LPP: variants seen among roughly 807,000 people sequenced by gnomAD.
LPP encodes lipoma-preferred partner.
In LPP, 38 loss-of-function variants were observed where a neutral mutation model predicts 60.4. The ratio of observed to expected loss-of-function variants is 0.63; its 90% CI spans 0.49 to 0.83. LPP has a LOEUF of 0.83. Among genes scored for constraint, LPP ranks in the 40% least tolerant of loss-of-function variants. LPP has a pLI of 0.00. For missense variants in LPP, 902 were observed against 783.6 expected, an observed-to-expected ratio of 1.15 and a Z score of -1.80; for synonymous variants, 328 against 290.8, an observed-to-expected ratio of 1.13 and a Z score of -1.30.
intron 2 of LPP, among the ~76,000 whole-genome samples, chr3:188,282,226 A>G (rs889937047): frequency 7.2e-5 from 11 of 151,834 alleles, no homozygotes; most frequent in African/African-American, 2.2e-4. Flanking sequence ...AGGCGTTTAC[A>G]TAATATTGTG....
At chr3:188,642,230 AT>A (rs1461452295) in intron 7 of LPP, among the ~76,000 whole-genome samples, 1 of 152,112 alleles carries the variant, frequency 6.6e-6, no homozygotes, top group East Asian at 1.9e-4. Flanking sequence ...CTCATAAATT[AT>A]TTATTTCCCA....
intron 8 of LPP, chr3:188,711,857 A>C (rs1268085358): frequency 6.6e-6 from 1 of 152,198 alleles, no homozygotes. Flanking sequence ...AGAGAAATGG[A>C]AAAGTATTTA....
chr3:188,261,852 G>A (rs1733766997), intron 2 of LPP, among the ~76,000 whole-genome samples: 1 of 152,172 alleles, frequency 6.6e-6, no homozygotes, highest in Non-Finnish European at 1.5e-5. Flanking sequence ...AGGAGTTTAA[G>A]GCTGCAGTGA....
intron 5 of LPP, among the ~76,000 whole-genome samples, chr3:188,511,746 T>A (rs772398980): frequency 6.6e-6 from 1 of 152,212 alleles, no homozygotes; most frequent in Non-Finnish European, 1.5e-5. Context: ...ATTGCTGGAA[T>A]AGCTCGATGA....
At position 188,492,983 on chromosome 3, in the gene LPP, C is replaced by G. The variant is rs376307175; in HGVS notation, c.306+8279C>G. Among the ~76,000 whole-genome samples, 6 of 152,208 alleles carry G rather than the reference C, an allele frequency of 3.9e-5. No homozygotes were observed. In the South Asian group the frequency reaches 1.2e-3, roughly 32 times the overall value. On this transcript the variant is annotated intron_variant, in intron 5 of 11. Coordinates refer to ENST00000617246, the MANE Select transcript of LPP (RefSeq NM_001375462.1). ...TAACCACATCAGTAATAAACTGTAA[C>G]TTTTACCTGTTTGCTGTGCTATTTT... is the stretch of plus-strand genomic sequence containing the variant.
chr3:188,609,371 T>C lies in LPP; in HGVS notation c.640T>C (p.Ser214Pro), dbSNP rs1284110343. The change falls in exon 7 of 12, where the codon TCC becomes CCC. Residue 214 changes from serine (S) to proline (P), a missense_variant. Physicochemically the swap from Ser to Pro is moderately conservative, Grantham distance 74 (BLOSUM62 -1). Transcript: ENST00000617246. This position sits in a 1 kb window ranked among gnomAD's most constrained non-coding sequence, Gnocchi z 6.9. ...QPVPASYTTA[S>P]TSSRPTFNVQ... ...AGTCCCAGCCTCCTACACCACGGCCTCCACTTCTTCAAGGCCTACCTTTAA... is the reference window on the plus strand; with the variant it reads ...AGTCCCAGCCTCCTACACCACGGCCCCCACTTCTTCAAGGCCTACCTTTAA... 9 of 1,613,968 alleles carry C rather than the reference T, an allele frequency of 5.6e-6. No homozygotes were observed. Among genetic ancestry groups the C allele is most frequent in the Non-Finnish European group, 7.6e-6 (9 of 1,180,024 alleles).
chr3:188,447,700 C>T (rs1009418743), intron 4 of LPP, among the ~76,000 whole-genome samples: 10 of 151,406 alleles, frequency 6.6e-5, no homozygotes, highest in African/African-American at 1.2e-4. Flanking sequence ...ACTTAAAACC[C>T]GGGAAGTGGA....
At chr3:188,563,313 G>A (rs1831183198) in intron 6 of LPP, among the ~76,000 whole-genome samples, 1 of 151,792 alleles carries the variant, frequency 6.6e-6, no homozygotes, top group African/African-American at 2.4e-5. Context: ...AGTATATGAA[G>A]TTGAACATAA....
chr3:188,282,564 C>T (rs180922010), intron 2 of LPP, among the ~76,000 whole-genome samples: 4 of 152,200 alleles, frequency 2.6e-5, no homozygotes, highest in Non-Finnish European at 5.9e-5. Flanking sequence ...GTTTTCTTGG[C>T]CTCCCAATGC....
rs1769323719 is a variant in LPP at position 188,877,003 on chromosome 3, A to G, written c.*2524A>G. The G allele has an allele frequency of 5.7e-6, 1 of 176,308 alleles. No individual in the cohort carries two copies. Among genetic ancestry groups the G allele is most frequent in the Non-Finnish European group, 1.2e-5 (1 of 81,696 alleles). The allele number at this position is 176,308 out of a possible 1,614,324, so 10.9% of individuals were successfully genotyped here. On this transcript the variant is annotated 3_prime_UTR_variant, in exon 12 of 12. Coordinates refer to ENST00000617246, the MANE Select transcript of LPP (RefSeq NM_001375462.1). The stretch of plus-strand genomic sequence containing the variant: ...TAAAGTAAATCTCTTTTTAAGATAG[A>G]CTTATTCTTTTATAATAATGAATGT...
At chr3:188,865,950 A>G (rs1167736599) in intron 9 of LPP, among the ~76,000 whole-genome samples, 1 of 152,146 alleles carries the variant, frequency 6.6e-6, no homozygotes, top group Non-Finnish European at 1.5e-5. Context: ...CACTTGACCC[A>G]TCTAATTGTG....
At chr3:188,170,535 G>A (rs915509862) in intron 1 of LPP, among the ~76,000 whole-genome samples, 4 of 151,662 alleles carry the variant, frequency 2.6e-5, no homozygotes, top group Admixed American at 6.6e-5. Context: ...GTTTCACCAC[G>A]TTGGCCAGGC....
intron 8 of LPP, chr3:188,709,364 T>C (rs2149708648): frequency 6.6e-6 from 1 of 152,240 alleles, no homozygotes; most frequent in Admixed American, 6.5e-5. Context: ...TATTTTATTT[T>C]ATTTATTTTT....
intron 7 of LPP, among the ~76,000 whole-genome samples, chr3:188,665,120 G>A (rs1576918016): frequency 6.6e-6 from 1 of 152,080 alleles, no homozygotes; most frequent in East Asian, 1.9e-4. Context: ...ATTGTTTTAT[G>A]TTTTCTGTTG....
chr3:188,491,051 C>T (rs1004509776), intron 5 of LPP, among the ~76,000 whole-genome samples: 5 of 151,960 alleles, frequency 3.3e-5, no homozygotes, highest in Non-Finnish European at 5.9e-5. Flanking sequence ...TGAGCCACCG[C>T]GCCTGGCCGG....
chr3:188,742,895 G>C (rs1724935419), intron 8 of LPP, among the ~76,000 whole-genome samples: 1 of 152,142 alleles, frequency 6.6e-6, no homozygotes, highest in Admixed American at 6.6e-5. Flanking sequence ...TTCGGCCAAG[G>C]CATATTTGAG....
chr3:188,668,170 G>A (rs1164868484), intron 7 of LPP, among the ~76,000 whole-genome samples: 1 of 151,842 alleles, frequency 6.6e-6, no homozygotes, highest in Non-Finnish European at 1.5e-5. Flanking sequence ...AAAAAAAATG[G>A]TATCTGGTAC....
At chr3:188,203,455 A>T (rs1272440995) in intron 1 of LPP, among the ~76,000 whole-genome samples, 3 of 90,356 alleles carry the variant, frequency 3.3e-5, no homozygotes, top group African/African-American at 4.5e-5. Context: ...ATAAATATAT[A>T]TAAATATATA....
chr3:188,837,421 A>AATAATAATAATAATAATC (rs1485239539), intron 9 of LPP, among the ~76,000 whole-genome samples: 2 of 141,668 alleles, frequency 1.4e-5, no homozygotes, highest in African/African-American at 5.3e-5. Flanking sequence ...TAATAATAAT[A>AATAATAATAATAATAATC]ATCTGTGCTT....
Sources: gnomAD v4.1 joint callset for allele counts (sites outside exome capture counted in the v4.1 genomes callset) on GRCh38, gnomAD v4.1.1 for gene constraint, Gnocchi (gnomAD v3.1) non-coding constraint, MANE v1.5 for transcripts, NCBI Gene and HGNC (gene_info 2026-07-23, HGNC 2026-07-21) for gene names.